CADM1: variants seen among roughly 807,000 people sequenced by gnomAD.
CADM1 encodes cell adhesion molecule 1.
Under a neutral mutation model 53.1 loss-of-function variants are expected in CADM1, and 15 were observed. The ratio of observed to expected loss-of-function variants is 0.28; its 90% CI spans 0.19 to 0.44. CADM1 has a LOEUF of 0.44. Ranked by LOEUF, CADM1 falls within the 20% of genes least tolerant of loss-of-function variation. The pLI, the probability that CADM1 is intolerant of heterozygous loss-of-function variation, is 1.00. For synonymous variants in CADM1, 281 were observed against 243.0 expected, an observed-to-expected ratio of 1.16 and a Z score of -1.45; for missense variants, 434 against 611.3, an observed-to-expected ratio of 0.71 and a Z score of 3.06.
intron 3 of CADM1, among the ~76,000 whole-genome samples, chr11:115,231,986 CAATAAT>C (rs34209440): frequency 0.011 from 1,661 of 148,434 alleles, 18 homozygotes; most frequent in Middle Eastern, 0.031. Context: ...AACTCCGTCT[CAATAAT>C]AATAATAATA....
intron 10 of CADM1, among the ~76,000 whole-genome samples, chr11:115,188,348 C>T (rs1456352373): frequency 6.6e-6 from 1 of 152,130 alleles, no homozygotes; most frequent in African/African-American, 2.4e-5. Flanking sequence ...TGGGTAAGCT[C>T]CCCAGGCCTG....
chr11:115,233,729 A>G (rs1838968215), intron 3 of CADM1, among the ~76,000 whole-genome samples: 2 of 152,050 alleles, frequency 1.3e-5, no homozygotes, highest in Non-Finnish European at 2.9e-5. Context: ...AAAAAAAAAT[A>G]CCTTTCAAGG....
chr11:115,486,602 C>T (rs1288498442), intron 1 of CADM1, among the ~76,000 whole-genome samples: 1 of 152,198 alleles, frequency 6.6e-6, no homozygotes, highest in Non-Finnish European at 1.5e-5. Flanking sequence ...ACCTAGGCCT[C>T]CCAAAATGCT....
intron 1 of CADM1, among the ~76,000 whole-genome samples, chr11:115,492,787 T>C (rs1408899798): frequency 6.6e-6 from 1 of 152,186 alleles, no homozygotes; most frequent in African/African-American, 2.4e-5. Flanking sequence ...TAGACTGGAA[T>C]TGAATGTATT....
At chr11:115,363,330 A>C (rs1946078615) in intron 1 of CADM1, among the ~76,000 whole-genome samples, 1 of 152,150 alleles carries the variant, frequency 6.6e-6, no homozygotes, top group Non-Finnish European at 1.5e-5. Context: ...AGAATCCTCT[A>C]AATTCTACTG....
intron 1 of CADM1, among the ~76,000 whole-genome samples, chr11:115,324,706 C>T (rs569897937): frequency 2.4e-4 from 36 of 152,214 alleles, no homozygotes; most frequent in African/African-American, 8.4e-4. Flanking sequence ...TGAGGAATGA[C>T]CAATGGAAGA....
intron 9 of CADM1, among the ~76,000 whole-genome samples, chr11:115,197,450 A>AACG (rs1191804212): frequency 0.024 from 264 of 11,080 alleles, 2 homozygotes; most frequent in African/African-American, 0.073. Flanking sequence ...AGTTTTAAAC[A>AACG]TATCTTTTCT....
intron 1 of CADM1, among the ~76,000 whole-genome samples, chr11:115,411,197 A>G (rs1193896639): frequency 6.6e-6 from 1 of 152,234 alleles, no homozygotes; most frequent in East Asian, 1.9e-4. Flanking sequence ...GAGGATTTGC[A>G]TAAAACTTGT....
chr11:115,228,373 C>T (rs1380825161), intron 5 of CADM1, among the ~76,000 whole-genome samples: 1 of 152,190 alleles, frequency 6.6e-6, no homozygotes, highest in South Asian at 2.1e-4. Context: ...GACATCCAAT[C>T]ACTACCATCC....
intron 7 of CADM1, among the ~76,000 whole-genome samples, chr11:115,213,630 T>C (rs1275341950): frequency 6.6e-6 from 1 of 152,216 alleles, no homozygotes; most frequent in African/African-American, 2.4e-5. Context: ...GACACTGTGG[T>C]GTGGATATTT....
chr11:115,288,086 T>C (rs1226717682), intron 1 of CADM1, among the ~76,000 whole-genome samples: 1 of 152,112 alleles, frequency 6.6e-6, no homozygotes, highest in Non-Finnish European at 1.5e-5. Flanking sequence ...ATCTGGAGCA[T>C]GTGAAGGAGA....
chr11:115,177,361 A>G (rs1395538620), intron 11 of CADM1, among the ~76,000 whole-genome samples: 1 of 152,140 alleles, frequency 6.6e-6, no homozygotes, highest in Non-Finnish European at 1.5e-5. Context: ...CCAAATCCCA[A>G]CAGTTTACAT....
At chr11:115,486,746 C>A (rs1182242120) in intron 1 of CADM1, among the ~76,000 whole-genome samples, 2 of 152,170 alleles carry the variant, frequency 1.3e-5, no homozygotes, top group Non-Finnish European at 2.9e-5. Flanking sequence ...GTTTTCCTAC[C>A]TGTAAGCCTT....
At chr11:115,237,469 A>C (rs2134894041) in intron 3 of CADM1, among the ~76,000 whole-genome samples, 1 of 152,352 alleles carries the variant, frequency 6.6e-6, no homozygotes, top group South Asian at 2.1e-4. Flanking sequence ...GTTGAAGTAA[A>C]GTAATGAGGC....
chr11:115,443,084 T>C, intron 1 of CADM1, among the ~76,000 whole-genome samples: 1 of 152,332 alleles, frequency 6.6e-6, no homozygotes, highest in Middle Eastern at 3.4e-3. Flanking sequence ...CATTGAAAAT[T>C]AAGTTTATTC....
chr11:115,332,437 A>G (rs971101249), intron 1 of CADM1, among the ~76,000 whole-genome samples: 1 of 152,164 alleles, frequency 6.6e-6, no homozygotes, highest in African/African-American at 2.4e-5. Context: ...GAACTACGAG[A>G]TCTGGGTATT....
chr11:115,429,665 G>T (rs1377903669), intron 1 of CADM1, among the ~76,000 whole-genome samples: 1 of 151,680 alleles, frequency 6.6e-6, no homozygotes, highest in African/African-American at 2.4e-5. Flanking sequence ...CAAAGGCAGA[G>T]AATTGTGTAT....
chr11:115,318,498 A>G lies in CADM1; in HGVS notation c.125-78078T>C, dbSNP rs181111375. ...AATAGTGAATTTTCAGTGAAGTTAG[A>G]GTACAAGAAGTGTGTGATCTGGAGA... On this transcript the variant is annotated intron_variant, in intron 1 of 11. Transcript: ENST00000331581. Among the ~76,000 whole-genome samples, 785 of 152,344 alleles carry G rather than the reference A, an allele frequency of 5.2e-3. 9 individuals carry two copies. Among genetic ancestry groups the G allele is most frequent in the African/African-American group, 0.018 (753 of 41,582 alleles).
chr11:115,179,026 G>T, intron 10 of CADM1: 1 of 500,140 alleles, frequency 2.0e-6, no homozygotes. Flanking sequence ...ACAAGCTTAG[G>T]GAGGCAGGGA....
Sources: gnomAD v4.1 joint callset for allele counts (sites outside exome capture counted in the v4.1 genomes callset) on GRCh38, gnomAD v4.1.1 for gene constraint, MANE v1.5 for transcripts, NCBI Gene and HGNC (gene_info 2026-07-23, HGNC 2026-07-21) for gene names.